The following TRIM66 variants were observed in gnomAD, a reference collection of about 807,000 sequenced individuals.
TRIM66 encodes tripartite motif containing 66.
A neutral mutation model predicts 148.2 loss-of-function variants in TRIM66; 99 were observed. The observed-to-expected ratio is 0.67, with a 90% confidence interval of 0.57 to 0.79. TRIM66 has a LOEUF of 0.79. TRIM66 is among the 30% of genes least tolerant of loss of function. The probability of loss-of-function intolerance (pLI) is 0.00; values close to 1 mark genes in which losing one functional copy is unlikely to be tolerated. For synonymous variants in TRIM66, 616 were observed against 635.9 expected (o/e 0.97, Z 0.47); for missense variants, 1,666 against 1,697.9 (o/e 0.98, Z 0.33).
chr11:8,682,479 C>T (rs2039487018), intron 1 of TRIM66, 122 bp downstream of exon 1: 1 of 436,278 alleles, frequency 2.3e-6, no homozygotes, highest in Non-Finnish European at 4.1e-6. Flanking sequence ...TTAGGCGGTT[C>T]CCTGACCAAG....
chr11:8,638,613 G>A (rs1174156723), intron 15 of TRIM66, 41 bp downstream of exon 15: 4 of 1,533,794 alleles, frequency 2.6e-6, no homozygotes, highest in Non-Finnish European at 1.8e-6. Flanking sequence ...TTGGCTGGCA[G>A]TGGGTCCCAT....
At chr11:8,648,676 T>A in intron 8 of TRIM66, 128 bp from the exon 9 acceptor site, 1 of 1,175,588 alleles carries the variant, frequency 8.5e-7, no homozygotes, top group Non-Finnish European at 1.2e-6. Context: ...GGAAGTGTTA[T>A]AAACAGGAGA....
At chr11:8,658,844 T>A in intron 6 of TRIM66, 3 of 980,788 alleles carry the variant, frequency 3.1e-6, no homozygotes, top group Non-Finnish European at 2.4e-6. Context: ...GTCTCCTACA[T>A]ACTCACCTGC....
chr11:8,619,365 A>G lies in TRIM66; in HGVS notation c.3900+18T>C. 2.8e-6 allele frequency: 4 copies of G among 1,449,506 alleles called. No individual in the cohort carries two copies. The highest frequency in any genetic ancestry group is 1.4e-5 in the South Asian group (1 of 71,882). 89.8% of individuals were successfully genotyped at this position (1,449,506 alleles called of 1,614,324 possible). On this transcript the variant is annotated intron_variant, in intron 23 of 24. Transcript: ENST00000646038. ...GGATGCAGGGAAATAGGAGAGAGGG[A>G]AAACAGGCAAGACATACATAATTGA...
upstream of TRIM66, chr11:8,682,944 G>A (rs999821943): frequency 1.5e-6 from 2 of 1,310,998 alleles, no homozygotes; most frequent in Non-Finnish European, 2.1e-6. Flanking sequence ...CGCCTGCGGG[G>A]CAGGGTGGCC....
chr11:8,621,405 G>T, intron 19 of TRIM66, 84 bp from the exon 20 acceptor site: 2 of 1,462,458 alleles, frequency 1.4e-6, no homozygotes, highest in Non-Finnish European at 9.0e-7. Flanking sequence ...GGCAGGCCCT[G>T]CATGCCTACA....
rs918601359 is a variant in TRIM66, at chr11:8,615,265, T to G, written c.*2679A>C. 6.6e-6 allele frequency: 1 copy of G among 152,144 alleles called. No individual in the cohort carries two copies. The highest frequency in any genetic ancestry group is 2.4e-5 in the African/African-American group (1 of 41,426). 9.4% of individuals were successfully genotyped at this position (152,144 alleles called of 1,614,324 possible). ...TAAAATTTAAAAATCCTGAACCAAT[T>G]TTTAACTAAAATCCCCTTGCATCAA... On this transcript the variant is annotated 3_prime_UTR_variant, in exon 25 of 25. Transcript: ENST00000646038.
rs1328760428 is a variant in TRIM66, at chr11:8,622,371, T to C, written c.3080+445A>G. Among the ~76,000 whole-genome samples the C allele has an allele frequency of 6.6e-3, 338 of 51,198 alleles. 6 individuals carry two copies. The highest frequency in any genetic ancestry group is 0.01 in the Middle Eastern group (1 of 96). The allele number at this position is 51,198 out of a possible 152,430, so 33.6% of individuals were successfully genotyped here. On this transcript the variant is annotated intron_variant, in intron 18 of 24. Coordinates refer to ENST00000646038, the MANE Select transcript of TRIM66 (RefSeq NM_001388022.1). ...ACACACACACACACACACACATATA[T>C]ATATATATATATCTCCTACTTGTTC...
At chr11:8,622,577 G>A (rs1399649928) in intron 18 of TRIM66, among the ~76,000 whole-genome samples, 1 of 151,238 alleles carries the variant, frequency 6.6e-6, no homozygotes, top group Non-Finnish European at 1.5e-5. Context: ...CCTGGTCAAA[G>A]ACAGGAGCTC....
At chr11:8,645,931 C>A (rs1447068808) in intron 11 of TRIM66, 44 bp from the exon 12 acceptor site, 1 of 1,540,042 alleles carries the variant, frequency 6.5e-7, no homozygotes, top group Non-Finnish European at 8.8e-7. Context: ...TGTTACTGGA[C>A]TGTAATCCAC....
chr11:8,654,250 T>C (rs2037620465), intron 6 of TRIM66, among the ~76,000 whole-genome samples: 1 of 152,264 alleles, frequency 6.6e-6, no homozygotes, highest in African/African-American at 2.4e-5. Context: ...CTCTCTCTAA[T>C]CTCATCTTTA....
Position 8,621,276 on chromosome 11 carries a change from C to T in TRIM66, c.3301G>A (p.Glu1101Lys). ...LSEATQAPGL[E>K]GRKVTVTSLA... ...GAAGTGACAGTGACCTTTCTTCCCTCCAGACCTGGGGCCTGGGTGGCCTCA... is the reference window on the plus strand; with the variant it reads ...GAAGTGACAGTGACCTTTCTTCCCTTCAGACCTGGGGCCTGGGTGGCCTCA... Residue 1101 changes from glutamate (E) to lysine (K), a missense_variant, in exon 20 of 25, where the codon GAG becomes AAG. Physicochemically the swap from Glu to Lys is moderately conservative, Grantham distance 56. Transcript: ENST00000646038. 6.4e-7 allele frequency: 1 copy of T among 1,551,702 alleles called. No homozygotes were observed. Among genetic ancestry groups the T allele is most frequent in the Non-Finnish European group, 8.7e-7 (1 of 1,146,982 alleles).
At chr11:8,630,601 G>A (rs1358080616) in intron 15 of TRIM66, among the ~76,000 whole-genome samples, 1 of 152,146 alleles carries the variant, frequency 6.6e-6, no homozygotes, top group African/African-American at 2.4e-5. Flanking sequence ...GGGAGATGGA[G>A]AGAGACAACC....
upstream of TRIM66, chr11:8,683,091 G>T (rs1241067613): frequency 6.8e-5 from 81 of 1,185,252 alleles, no homozygotes; most frequent in East Asian, 1.9e-3. Flanking sequence ...TTTCCCAAAC[G>T]CTCCAGAAGT....
At chr11:8,674,363 C>T (rs971045868) in intron 4 of TRIM66, among the ~76,000 whole-genome samples, 3 of 151,970 alleles carry the variant, frequency 2.0e-5, no homozygotes, top group African/African-American at 7.3e-5. Flanking sequence ...GAAAAAATAA[C>T]TATTTCCTTT....
chr11:8,672,112 ACAAAG>A lies in TRIM66; in HGVS notation c.28-19_28-15del. The A allele has an allele frequency of 6.5e-7, 1 of 1,530,368 alleles. No individual in the cohort carries two copies. The highest frequency in any genetic ancestry group is 8.7e-7 in the Non-Finnish European group (1 of 1,144,080). 94.8% of individuals were successfully genotyped at this position (1,530,368 alleles called of 1,614,324 possible). A position where few individuals can be genotyped will look rare whatever the true frequency, so the allele number is the denominator to read the frequency against. Reference sequence around the variant, plus strand: ...CAGCTCCACTCCCTGTAAGTGAAGCACAAAGCAGAGTGATCTACTTATTTTGAGCA... The same window carrying A: ...CAGCTCCACTCCCTGTAAGTGAAGCACAGAGTGATCTACTTATTTTGAGCA... On this transcript the variant is annotated splice_polypyrimidine_tract_variant and intron_variant, in intron 5 of 24. Coordinates refer to ENST00000646038, the MANE Select transcript of TRIM66 (RefSeq NM_001388022.1).
At position 8,621,720 on chromosome 11, in the gene TRIM66, T is replaced by C. The variant is rs1321793066; in HGVS notation, c.3180A>G (p.Pro1060=). The change falls in exon 19 of 25, where the codon CCA becomes CCG. Residue 1060 remains proline (P), a synonymous_variant. Transcript: ENST00000646038. ...SGEMPVFKLK[P]QKNDQDGSFL... ...AGCTCCCATCCTGATCATTCTTCTG[T>C]GGCTTCAGTTTGAACACAGGCATCT... The C allele has an allele frequency of 1.9e-6, 3 of 1,551,604 alleles. No homozygotes were observed. The highest frequency in any genetic ancestry group is 2.6e-6 in the Non-Finnish European group (3 of 1,147,008).
intron 1 of TRIM66, 57 bp downstream of exon 1, chr11:8,682,544 C>T (rs10840110): frequency 0.095 from 54,355 of 571,830 alleles, 3,015 homozygotes; most frequent in African/African-American, 0.17. Flanking sequence ...GTACAGCACA[C>T]CTAGCCCCGA....
rs769086759 is a variant in TRIM66 at position 8,649,761 on chromosome 11, G to T, written c.571C>A (p.Arg191=). ...GTACCTGGAGATCCCTTCTGGGCCCGAGGAAAGAATGGGCCCCCGGGGACA... is the reference window on the plus strand; with the variant it reads ...GTACCTGGAGATCCCTTCTGGGCCCTAGGAAAGAATGGGCCCCCGGGGACA... ...SPVPGGPFFP[R]AQKGSPGVNG... Residue 191 remains arginine (R), a synonymous_variant, in exon 8 of 25, where the codon CGG becomes AGG. Coordinates refer to ENST00000646038, the MANE Select transcript of TRIM66 (RefSeq NM_001388022.1). 1.3e-6 allele frequency: 2 copies of T among 1,549,188 alleles called. No homozygotes were observed. Among genetic ancestry groups the T allele is most frequent in the African/African-American group, 2.8e-5 (2 of 71,032 alleles).
Sources: gnomAD v4.1 joint callset for allele counts (sites outside exome capture counted in the v4.1 genomes callset) on GRCh38, gnomAD v4.1.1 for gene constraint, MANE v1.5 for transcripts, NCBI Gene and HGNC (gene_info 2026-07-23, HGNC 2026-07-21) for gene names.